SLCO3A1: variants seen among roughly 807,000 people sequenced by gnomAD.
SLCO3A1 encodes the protein PGE1 transporter.
In SLCO3A1, 27 loss-of-function variants were observed where a neutral mutation model predicts 63.1. The observed-to-expected ratio is 0.43, with a 90% CI of 0.32 to 0.59. The LOEUF (loss-of-function observed/expected upper bound fraction) is 0.59, where lower values mean the gene tolerates loss of function less well. Ranked by LOEUF, SLCO3A1 falls within the 20% of genes least tolerant of loss-of-function variation. The pLI is 0.09. For synonymous variants in SLCO3A1, 473 were observed against 409.9 expected (o/e 1.15, Z -1.86); for missense variants, 773 against 945.8 (o/e 0.82, Z 2.40).
At chr15:91,884,258 C>T (rs1897667155) in intron 1 of SLCO3A1, among the ~76,000 whole-genome samples, 1 of 152,086 alleles carries the variant, frequency 6.6e-6, no homozygotes, top group Admixed American at 6.5e-5. Flanking sequence ...GCCTGTAATC[C>T]AGCATTTTGG....
intron 2 of SLCO3A1, among the ~76,000 whole-genome samples, chr15:92,070,300 G>GA (rs2047199699): frequency 6.6e-6 from 1 of 152,226 alleles, no homozygotes; most frequent in Non-Finnish European, 1.5e-5. Context: ...TTGGGGACAG[G>GA]ATAATAGCAT....
At chr15:92,165,927 T>C (rs1467466370), downstream of SLCO3A1, 6 of 982,420 alleles carry the variant, frequency 6.1e-6, no homozygotes, top group East Asian at 5.7e-4. Context: ...TCTCTTCTGC[T>C]ACAAACTCCT....
chr15:91,860,195 AGGTCCTC>A lies in SLCO3A1; in HGVS notation c.180+6108_180+6114del, dbSNP rs1267816586. 3.9e-5 allele frequency among the ~76,000 whole-genome samples: 6 copies of A among 152,146 alleles called. No individual in the cohort carries two copies. Among genetic ancestry groups the A allele is most frequent in the Non-Finnish European group, 8.8e-5 (6 of 68,034 alleles). On this transcript the variant is annotated intron_variant, in intron 1 of 9. Coordinates refer to ENST00000318445, the MANE Select transcript of SLCO3A1 (RefSeq NM_013272.4). This position sits in a 1 kb window ranked among gnomAD's most constrained non-coding sequence, Gnocchi z 5.5. ...AGGTACCCTGATGCTTCACTTTGGG[AGGTCCTC>A]AGTATCTCTTGCTGTGGTCTGTGGC...
chr15:92,033,265 G>T lies in SLCO3A1; in HGVS notation c.647-61616G>T, dbSNP rs977825912. On this transcript the variant is annotated intron_variant, in intron 2 of 9. Coordinates refer to ENST00000318445, the MANE Select transcript of SLCO3A1 (RefSeq NM_013272.4). The surrounding 1 kb of genome is among the most constrained non-coding windows in gnomAD (Gnocchi z 4.5). ...GTTGAAGGAGATTTCTGAGCATATT[G>T]TTCCAGCACCTGCAAGTGTGGAAAT... Among the ~76,000 whole-genome samples the T allele has an allele frequency of 2.0e-5, 3 of 152,214 alleles. No individual in the cohort carries two copies. Among genetic ancestry groups the T allele is most frequent in the African/African-American group, 7.2e-5 (3 of 41,452 alleles).
intron 1 of SLCO3A1, among the ~76,000 whole-genome samples, chr15:91,901,055 G>A (rs1347984625): frequency 2.0e-5 from 3 of 152,002 alleles, no homozygotes; most frequent in Admixed American, 6.6e-5. Flanking sequence ...TTTGTTTTAT[G>A]TCTCATCTTT....
chr15:91,936,242 C>G (rs554875465), intron 2 of SLCO3A1, among the ~76,000 whole-genome samples: 58 of 152,344 alleles, frequency 3.8e-4, no homozygotes, highest in African/African-American at 1.4e-3. Context: ...TGGGCACAAG[C>G]CCAATCTACT....
In SLCO3A1 at chr15:91,860,470, A is replaced by G. The variant is rs1597063968; in HGVS notation, c.180+6382A>G. Among the ~76,000 whole-genome samples, 1 of 152,344 alleles carries G rather than the reference A, an allele frequency of 6.6e-6. No homozygotes were observed. Among genetic ancestry groups the G allele is most frequent in the East Asian group, 1.9e-4 (1 of 5,186 alleles). On this transcript the variant is annotated intron_variant, in intron 1 of 9. Coordinates refer to ENST00000318445, the MANE Select transcript of SLCO3A1 (RefSeq NM_013272.4). The surrounding 1 kb of genome is among the most constrained non-coding windows in gnomAD (Gnocchi z 5.5). Reference sequence around the variant, plus strand: ...GGGTACAGTATTCCACAGTTGCTTTAACAGTAATGGTATAACCCTGCTCGT... The same window carrying G: ...GGGTACAGTATTCCACAGTTGCTTTGACAGTAATGGTATAACCCTGCTCGT...
At chr15:92,095,095 T>A in intron 3 of SLCO3A1, 116 bp downstream of exon 3, 2 of 520,738 alleles carry the variant, frequency 3.8e-6, no homozygotes, top group African/African-American at 1.9e-5. Flanking sequence ...TTGATGCCCC[T>A]GCCTCTGTAG....
chr15:91,919,752 G>GC (rs1442372168), intron 2 of SLCO3A1, among the ~76,000 whole-genome samples: 1 of 151,488 alleles, frequency 6.6e-6, no homozygotes, highest in Non-Finnish European at 1.5e-5. Flanking sequence ...TCATTAGGTT[G>GC]CCCCCCTTTT....
At chr15:91,983,124 A>G (rs1055688538) in intron 2 of SLCO3A1, among the ~76,000 whole-genome samples, 3 of 152,220 alleles carry the variant, frequency 2.0e-5, no homozygotes, top group Non-Finnish European at 4.4e-5. Flanking sequence ...TTAACAAGCT[A>G]TGTTTTACAA....
intron 5 of SLCO3A1, among the ~76,000 whole-genome samples, chr15:92,121,972 G>A (rs914604003): frequency 2.6e-5 from 4 of 152,210 alleles, no homozygotes; most frequent in Admixed American, 6.5e-5. Flanking sequence ...GGAAGCCCAC[G>A]AGAGGGAAGG....
chr15:91,983,022 C>T (rs967687039), intron 2 of SLCO3A1, among the ~76,000 whole-genome samples: 1 of 152,238 alleles, frequency 6.6e-6, no homozygotes, highest in African/African-American at 2.4e-5. Context: ...AAGAGACTGA[C>T]CTCATCCAAA....
At chr15:92,134,577 A>G (rs2048033447) in intron 7 of SLCO3A1, among the ~76,000 whole-genome samples, 1 of 152,222 alleles carries the variant, frequency 6.6e-6, no homozygotes, top group African/African-American at 2.4e-5. Context: ...AGAAACATCT[A>G]AATATATGCA....
intron 2 of SLCO3A1, among the ~76,000 whole-genome samples, chr15:91,957,116 A>AGTATATATATAATATATAGTATATATG (rs1271110657): frequency 8.4e-5 from 1 of 11,880 alleles, no homozygotes; most frequent in Non-Finnish European, 1.1e-4. Flanking sequence ...ATATATATAT[A>AGTATATATATAATATATAGTATATATG]ATATATATAA....
rs945181510 is a variant in SLCO3A1 at position 92,027,433 on chromosome 15, G to A, written c.647-67448G>A. Among the ~76,000 whole-genome samples, 10 of 152,082 alleles carry A rather than the reference G, an allele frequency of 6.6e-5. No individual in the cohort carries two copies. The East Asian group carries it at 1.3e-3, about 21-fold the overall frequency. ...CGAAGGTACCGTCATCGTTTTTTTC[G>A]ATATTGTGGATGAGCAAATAGGCTC... is the stretch of plus-strand genomic sequence containing the variant. On this transcript the variant is annotated intron_variant, in intron 2 of 9. Transcript: ENST00000318445.
At chr15:92,152,169 A>G (rs2048314340) in intron 9 of SLCO3A1, among the ~76,000 whole-genome samples, 1 of 152,270 alleles carries the variant, frequency 6.6e-6, no homozygotes, top group Admixed American at 6.5e-5. Context: ...TAAAGTTTTG[A>G]ATGAAATGTC....
Position 92,089,387 on chromosome 15 carries a change from A to G in SLCO3A1, c.647-5494A>G, listed in dbSNP as rs1013405357. Among the ~76,000 whole-genome samples, 12 of 151,342 alleles carry G rather than the reference A, an allele frequency of 7.9e-5. 2 individuals carry two copies. The South Asian group carries it at 2.5e-3, about 32-fold the overall frequency. On this transcript the variant is annotated intron_variant, in intron 2 of 9. Transcript: ENST00000318445. ...GCACATGGTGTGGAGGACTCGGTGC[A>G]GGGTGGGGTCTTCCTGTAGCCCCTC...
intron 2 of SLCO3A1, among the ~76,000 whole-genome samples, chr15:92,009,253 G>T (rs1251706385): frequency 1.3e-5 from 2 of 152,158 alleles, no homozygotes; most frequent in Admixed American, 6.5e-5. Context: ...ACAACTCTAG[G>T]ATTGAAATAA....
chr15:91,910,257 A>G (rs1007008062), intron 1 of SLCO3A1, among the ~76,000 whole-genome samples: 5 of 152,144 alleles, frequency 3.3e-5, no homozygotes, highest in African/African-American at 1.2e-4. Flanking sequence ...TCCCAGGTAT[A>G]TATTCCTCCA....
Sources: gnomAD v4.1 joint callset for allele counts (sites outside exome capture counted in the v4.1 genomes callset) on GRCh38, gnomAD v4.1.1 for gene constraint, Gnocchi (gnomAD v3.1) non-coding constraint, MANE v1.5 for transcripts, NCBI Gene and HGNC (gene_info 2026-07-23, HGNC 2026-07-21) for gene names.